Variants in MEI1 observed in about 807,000 individuals in gnomAD.
MEI1 encodes meiotic double-stranded break formation protein 1.
Under a neutral mutation model 146.2 loss-of-function variants are expected in MEI1, and 103 were observed. The ratio of observed to expected loss-of-function variants is 0.70; its 90% CI spans 0.60 to 0.83. MEI1 has a LOEUF of 0.83. Among genes scored for constraint, MEI1 ranks in the 40% least tolerant of loss-of-function variants. MEI1 has a pLI of 0.00. For missense variants in MEI1, 1,529 were observed against 1,533.0 expected (o/e 1.00, Z 0.04); for synonymous variants, 652 against 628.2 (o/e 1.04, Z -0.57).
intron 9 of MEI1, among the ~76,000 whole-genome samples, chr22:41,731,771 A>G (rs2071886566): frequency 6.6e-6 from 1 of 152,198 alleles, no homozygotes; most frequent in South Asian, 2.1e-4. Context: ...AACAAATAAC[A>G]TTGGTTCTTG....
rs779161476 is a variant in MEI1, at chr22:41,770,812, C to T, written c.2395C>T (p.Arg799Cys). ...AGAGCTCATGAGTAGGTATGGGCACCGTGTCCTGGAACTTTGGTTCTTCTG... is the reference window on the plus strand; with the variant it reads ...AGAGCTCATGAGTAGGTATGGGCACTGTGTCCTGGAACTTTGGTTCTTCTG... ...YPELMSRYGH[R>C]VLELWFFWEE... The change falls in exon 20 of 31, where the codon CGT becomes TGT. Residue 799 changes from arginine (R) to cysteine (C), a missense_variant. Physicochemically the swap from Arg to Cys is radical, Grantham distance 180 (BLOSUM62 -3). Around this residue, in one of 3 missense-constraint regions of MEI1, gnomAD observed 1,212 missense variants for 1,178.9 expected, o/e 1.03. Transcript: ENST00000401548. 8.7e-6 allele frequency: 14 copies of T among 1,613,908 alleles called. No homozygotes were observed. Among genetic ancestry groups the T allele is most frequent in the South Asian group, 3.3e-5 (3 of 91,078 alleles).
intron 24 of MEI1, among the ~76,000 whole-genome samples, chr22:41,782,908 C>T (rs1289239897): frequency 6.6e-6 from 1 of 152,172 alleles, no homozygotes; most frequent in Admixed American, 6.5e-5. Context: ...TTCGTCCTCC[C>T]CACTAATGTG....
At chr22:41,701,454 A>AT (rs112902979) in intron 1 of MEI1, among the ~76,000 whole-genome samples, 1 of 152,086 alleles carries the variant, frequency 6.6e-6, no homozygotes, top group Non-Finnish European at 1.5e-5. Flanking sequence ...CATGGAAAAA[A>AT]TTTAAAAAAA....
chr22:41,779,317 A>G (rs2075631881), intron 22 of MEI1, among the ~76,000 whole-genome samples: 1 of 152,060 alleles, frequency 6.6e-6, no homozygotes, highest in African/African-American at 2.4e-5. Flanking sequence ...GTGTGTCGTG[A>G]TGCAGACCTA....
At chr22:41,772,222 T>C (rs1450394003) in intron 20 of MEI1, among the ~76,000 whole-genome samples, 2 of 152,156 alleles carry the variant, frequency 1.3e-5, no homozygotes, top group East Asian at 3.8e-4. Flanking sequence ...TGACTATATC[T>C]TATTTATTTT....
chr22:41,719,764 T>C (rs2070579748), intron 6 of MEI1, among the ~76,000 whole-genome samples: 1 of 152,172 alleles, frequency 6.6e-6, no homozygotes, highest in African/African-American at 2.4e-5. Flanking sequence ...TCTCCTGCTA[T>C]TTTTTTACAT....
intron 20 of MEI1, among the ~76,000 whole-genome samples, chr22:41,772,607 C>T (rs573226835): frequency 1.3e-5 from 2 of 152,314 alleles, no homozygotes; most frequent in South Asian, 2.1e-4. Context: ...TAGGCATAAA[C>T]GACTGTACCT....
At chr22:41,700,964 A>C (rs985489115) in intron 1 of MEI1, among the ~76,000 whole-genome samples, 2 of 117,794 alleles carry the variant, frequency 1.7e-5, no homozygotes, top group African/African-American at 6.7e-5. Context: ...TTTGAGATGG[A>C]GTTTCACTCT....
intron 16 of MEI1, 150 bp from the exon 17 acceptor site, chr22:41,753,799 C>A: frequency 1.6e-6 from 1 of 614,060 alleles, no homozygotes; most frequent in Non-Finnish European, 2.9e-6. Flanking sequence ...TTTTCATAGC[C>A]ACCTTAAGAC....
At chr22:41,712,587 G>A (rs562213254) in intron 3 of MEI1, among the ~76,000 whole-genome samples, 2 of 151,546 alleles carry the variant, frequency 1.3e-5, no homozygotes, top group East Asian at 3.9e-4. Context: ...GAGAACTTTA[G>A]AAATACACTA....
At chr22:41,777,093 A>G (rs2075480791) in intron 21 of MEI1, among the ~76,000 whole-genome samples, 1 of 151,846 alleles carries the variant, frequency 6.6e-6, no homozygotes, top group South Asian at 2.1e-4. Context: ...GTTGGATTAC[A>G]GGGGTGAGCC....
intron 1 of MEI1, among the ~76,000 whole-genome samples, chr22:41,700,156 C>T (rs1419936963): frequency 1.3e-5 from 2 of 152,222 alleles, no homozygotes; most frequent in Non-Finnish European, 2.9e-5. Flanking sequence ...GGCCGCTCCT[C>T]ATTCCCTTCA....
At chr22:41,740,524 T>C (rs2072771197) in intron 11 of MEI1, among the ~76,000 whole-genome samples, 1 of 151,962 alleles carries the variant, frequency 6.6e-6, no homozygotes, top group South Asian at 2.1e-4. Flanking sequence ...GGAGGATCGC[T>C]TCAGCTCAGG....
Position 41,743,082 on chromosome 22 carries a change from A to G in MEI1, c.1334A>G (p.Lys445Arg). 1 of 1,608,476 alleles carries G rather than the reference A, an allele frequency of 6.2e-7. No homozygotes were observed. The highest frequency in any genetic ancestry group is 8.5e-7 in the Non-Finnish European group (1 of 1,175,946). ...TGCTTTTGTCTCTCTGGATGCAGGA[A>G]GGACCATCAGAGCACTCCACCTGTG... ...ALKATSAFLR[K>R]DHQSTPPVQY... is the part of the protein sequence containing the mutation. The change falls in exon 12 of 31, where the codon AAG becomes AGG. Residue 445 changes from lysine to arginine, a missense_variant and splice_region_variant. This residue lies in a region of MEI1 where 1,212 missense variants were observed against 1,178.9 expected (regional missense o/e 1.03). Transcript: ENST00000401548.
chr22:41,734,308 G>A (rs1291538417), intron 11 of MEI1, among the ~76,000 whole-genome samples: 1 of 152,002 alleles, frequency 6.6e-6, no homozygotes, highest in Non-Finnish European at 1.5e-5. Flanking sequence ...TCAATGCAAT[G>A]TAGACGGGGC....
chr22:41,769,958 A>G (rs537121975), intron 19 of MEI1, among the ~76,000 whole-genome samples: 1 of 151,006 alleles, frequency 6.6e-6, no homozygotes, highest in East Asian at 2.0e-4. Context: ...AACATGGAGG[A>G]ACTCCGTCTC....
At chr22:41,707,952 G>T (rs2069222942) in intron 3 of MEI1, among the ~76,000 whole-genome samples, 1 of 152,184 alleles carries the variant, frequency 6.6e-6, no homozygotes, top group Non-Finnish European at 1.5e-5. Flanking sequence ...TGGCTACTTG[G>T]TGTCCAAACA....
rs1314618611 is a variant in MEI1 at position 41,718,207 on chromosome 22, G to A, written c.666G>A (p.Lys222=). 1.2e-6 allele frequency: 2 copies of A among 1,613,860 alleles called. No homozygotes were observed. Among genetic ancestry groups the A allele is most frequent in the African/African-American group, 1.3e-5 (1 of 74,918 alleles). The part of the protein sequence containing the change: ...AEMLSGHFRE[K]LFPLFLSILD... ...TGCTTTCAGGACACTTCCGTGAGAA[G>A]CTTTTTCCCCTCTTCCTTTCCATCC... Residue 222 remains lysine, a synonymous_variant, in exon 6 of 31, where the codon AAG becomes AAA. Transcript: ENST00000401548.
At chr22:41,718,298 A>G in intron 6 of MEI1, 24 bp downstream of exon 6, 1 of 1,606,042 alleles carries the variant, frequency 6.2e-7, no homozygotes, top group Non-Finnish European at 8.5e-7. Flanking sequence ...CTGGAGAAAA[A>G]AGGGAGAATA....
Sources: allele counts gnomAD v4.1 joint callset (sites outside exome capture counted in the v4.1 genomes callset), GRCh38; gene constraint gnomAD v4.1.1; regional missense constraint gnomAD v4.1.1; transcripts MANE v1.5; gene names NCBI Gene and HGNC (gene_info 2026-07-23, HGNC 2026-07-21).